FMN2: variants seen among roughly 807,000 people sequenced by gnomAD.
The protein encoded by FMN2 is formin 2, also known as formin-2.
Under a neutral mutation model 142.3 loss-of-function variants are expected in FMN2, and 51 were observed. The ratio of observed to expected loss-of-function variants is 0.36; its 90% CI spans 0.29 to 0.45. The LOEUF (loss-of-function observed/expected upper bound fraction) is 0.45, where lower values mean the gene tolerates loss of function less well. Among genes scored for constraint, FMN2 ranks in the 20% least tolerant of loss-of-function variants. The pLI is 1.00. For synonymous variants in FMN2, 882 were observed against 869.8 expected (o/e 1.01, Z -0.25); for missense variants, 1,936 against 2,122.8 (o/e 0.91, Z 1.73).
intron 7 of FMN2, among the ~76,000 whole-genome samples, chr1:240,277,869 A>G (rs561444066): frequency 2.6e-5 from 4 of 152,124 alleles, no homozygotes; most frequent in Admixed American, 2.6e-4. Context: ...CTTATTTACC[A>G]GAGTGAAGGC....
At chr1:240,369,980 A>G (rs1253218940) in intron 14 of FMN2, among the ~76,000 whole-genome samples, 2 of 151,890 alleles carry the variant, frequency 1.3e-5, no homozygotes, top group Admixed American at 1.3e-4. Flanking sequence ...AGGTGGATGC[A>G]TTTCCTTAAT....
chr1:240,156,607 A>G (rs10926147), intron 2 of FMN2, among the ~76,000 whole-genome samples: 47,729 of 152,038 alleles, frequency 0.31, 7,600 homozygotes, highest in Middle Eastern at 0.41. Flanking sequence ...TTTTCTCTCC[A>G]ACAGCTGAGT....
chr1:240,369,229 G>A (rs1205319190), intron 14 of FMN2, among the ~76,000 whole-genome samples: 2 of 152,048 alleles, frequency 1.3e-5, no homozygotes, highest in East Asian at 1.9e-4. Flanking sequence ...ACATATAAGT[G>A]AGATCAAGCA....
At chr1:240,363,232 C>T (rs1479022186) in intron 14 of FMN2, among the ~76,000 whole-genome samples, 1 of 152,196 alleles carries the variant, frequency 6.6e-6, no homozygotes. Context: ...GATAAAGACA[C>T]TTTTTCCAGT....
At chr1:240,185,390 C>A (rs968321383) in intron 3 of FMN2, among the ~76,000 whole-genome samples, 7 of 152,156 alleles carry the variant, frequency 4.6e-5, no homozygotes, top group Admixed American at 3.3e-4. Flanking sequence ...TTGAAGACAG[C>A]ATTTCAACCT....
intron 11 of FMN2, 109 bp downstream of exon 11, chr1:240,330,858 A>C (rs890199119): frequency 3.0e-6 from 4 of 1,323,986 alleles, no homozygotes; most frequent in Non-Finnish European, 4.0e-6. Flanking sequence ...TCCTAGGTCA[A>C]ATGCTTCTTT....
intron 15 of FMN2, among the ~76,000 whole-genome samples, chr1:240,428,530 A>G (rs1422858016): frequency 6.6e-6 from 1 of 152,162 alleles, no homozygotes; most frequent in Non-Finnish European, 1.5e-5. Flanking sequence ...CCTGGCTAAA[A>G]TGTTCCATCT....
Position 240,400,077 on chromosome 1 carries a change from G to A in FMN2, c.4910+7515G>A, listed in dbSNP as rs115153687. The stretch of plus-strand genomic sequence containing the variant: ...GTTGAGAGGGCGTTCGCAGCTCCAT[G>A]ATACAGCAGCAACAAGCAAAATGGC... On this transcript the variant is annotated intron_variant, in intron 15 of 17. Coordinates refer to ENST00000319653, the MANE Select transcript of FMN2 (RefSeq NM_020066.5). Among the ~76,000 whole-genome samples, 892 of 152,276 alleles carry A rather than the reference G, an allele frequency of 5.9e-3. 9 individuals carry two copies. Among genetic ancestry groups the A allele is most frequent in the African/African-American group, 0.02 (836 of 41,552 alleles).
chr1:240,240,008 T>G (rs181897717), intron 6 of FMN2, among the ~76,000 whole-genome samples: 3 of 152,234 alleles, frequency 2.0e-5, no homozygotes, highest in Non-Finnish European at 4.4e-5. Flanking sequence ...CAGATGGACC[T>G]TACCGTCTAA....
At chr1:240,160,129 T>G (rs917615529) in intron 2 of FMN2, among the ~76,000 whole-genome samples, 1 of 150,826 alleles carries the variant, frequency 6.6e-6, no homozygotes, top group Non-Finnish European at 1.5e-5. Flanking sequence ...ACCAAACATT[T>G]AAAGAAGAAA....
At position 240,474,476 on chromosome 1, in the gene FMN2, CA is replaced by C. The variant is rs111431164; in HGVS notation, c.*323del. Reference sequence around the variant, plus strand: ...AACATGCTAAACATTAACTACAATTCACTGTTGTGAGAATATTCCTCGTCAC... The same window carrying C: ...AACATGCTAAACATTAACTACAATTCCTGTTGTGAGAATATTCCTCGTCAC... On this transcript the variant is annotated 3_prime_UTR_variant, in exon 18 of 18. Transcript: ENST00000319653. 0.019 allele frequency: 4,659 copies of C among 245,146 alleles called. 222 individuals are homozygous for C. The highest frequency in any genetic ancestry group is 0.096 in the African/African-American group (4,309 of 44,916). 15.2% of individuals were successfully genotyped at this position (245,146 alleles called of 1,614,324 possible). A position where few individuals can be genotyped will look rare whatever the true frequency, so the allele number is the denominator to read the frequency against.
intron 8 of FMN2, among the ~76,000 whole-genome samples, 186 bp downstream of exon 8, chr1:240,295,069 G>T (rs1174923957): frequency 1.3e-5 from 2 of 151,944 alleles, no homozygotes; most frequent in South Asian, 4.2e-4. Context: ...GTGGTCTCAT[G>T]GTTTGAAAAA....
chr1:240,126,364 ACCCC>A lies in FMN2; in HGVS notation c.1782+3025_1782+3028del, dbSNP rs367989696. Among the ~76,000 whole-genome samples, 3 of 129,700 alleles carry A rather than the reference ACCCC, an allele frequency of 2.3e-5. No individual in the cohort carries two copies. The South Asian group carries it at 8.2e-4, about 36-fold the overall frequency. The allele number at this position is 129,700 out of a possible 152,430, so 85.1% of individuals were successfully genotyped here. Reference sequence around the variant, plus strand: ...GTCATAACTGGTACCCTTCCTACCTACCCCCCCCCACTTTGTTCCCTTCCCTGAT... The same window carrying A: ...GTCATAACTGGTACCCTTCCTACCTACCCCCACTTTGTTCCCTTCCCTGAT... On this transcript the variant is annotated intron_variant, in intron 2 of 17. Coordinates refer to ENST00000319653, the MANE Select transcript of FMN2 (RefSeq NM_020066.5).
intron 6 of FMN2, among the ~76,000 whole-genome samples, chr1:240,217,107 A>G (rs1013896235): frequency 5.9e-5 from 9 of 152,222 alleles, no homozygotes; most frequent in Non-Finnish European, 1.3e-4. Flanking sequence ...ATGTTGAGGA[A>G]TCTGGGAGAA....
At chr1:240,424,403 C>G (rs1277015300) in intron 15 of FMN2, among the ~76,000 whole-genome samples, 1 of 152,156 alleles carries the variant, frequency 6.6e-6, no homozygotes, top group East Asian at 1.9e-4. Flanking sequence ...CACTGTGGCA[C>G]TGGCTTGCTG....
intron 8 of FMN2, among the ~76,000 whole-genome samples, chr1:240,300,176 G>A (rs1670149588): frequency 6.6e-6 from 1 of 152,146 alleles, no homozygotes; most frequent in South Asian, 2.1e-4. Context: ...CTATTACTAA[G>A]GGGACTGGGA....
intron 13 of FMN2, among the ~76,000 whole-genome samples, chr1:240,338,534 A>T (rs1433783735): frequency 6.6e-6 from 1 of 152,128 alleles, no homozygotes; most frequent in Admixed American, 6.6e-5. Context: ...AAAATAAACA[A>T]TTCATATGTT....
rs183406894 is a variant in FMN2, at chr1:240,358,550, C to T, written c.4858+2642C>T. Among the ~76,000 whole-genome samples the T allele has an allele frequency of 1.2e-4, 19 of 152,238 alleles. No homozygotes were observed. In the East Asian group the frequency reaches 3.7e-3, roughly 30 times the overall value. On this transcript the variant is annotated intron_variant, in intron 14 of 17. Coordinates refer to ENST00000319653, the MANE Select transcript of FMN2 (RefSeq NM_020066.5). ...TTAATTGACTCACACTTCAGCACGT[C>T]TGGGGAGGCCTCAGGAAACTTACAA...
rs1328252123 is a variant in FMN2, at chr1:240,207,520, A to C, written c.2708A>C (p.Gln903Pro). Reference sequence around the variant, plus strand: ...GCCATTCCCCAACCTCCTCCTCTGCAGGGTACAGAAATGCTGCCACCCCCT... The same window carrying C: ...GCCATTCCCCAACCTCCTCCTCTGCCGGGTACAGAAATGCTGCCACCCCCT... Reference protein sequence around the residue: ...STAIPQPPPLQGTEMLPPPPP... With the variant: ...STAIPQPPPLPGTEMLPPPPP... The change falls in exon 5 of 18, where the codon CAG (glutamine) becomes CCG (proline). Residue 903 changes from glutamine (Q) to proline (P), a missense_variant. By Grantham distance (76) the Gln-to-Pro change is moderately conservative. This residue lies in a region of FMN2 where 478 missense variants were observed against 462.8 expected (regional missense o/e 1.03). Transcript: ENST00000319653. 5.6e-6 allele frequency: 9 copies of C among 1,609,126 alleles called. No individual in the cohort carries two copies. The highest frequency in any genetic ancestry group is 7.6e-6 in the Non-Finnish European group (9 of 1,179,068).
Sources: allele counts gnomAD v4.1 joint callset (sites outside exome capture counted in the v4.1 genomes callset), GRCh38; gene constraint gnomAD v4.1.1; regional missense constraint gnomAD v4.1.1; transcripts MANE v1.5; gene names NCBI Gene and HGNC (gene_info 2026-07-23, HGNC 2026-07-21).